Variants in COG4 observed in about 807,000 individuals in gnomAD.
COG4 encodes the protein component of oligomeric golgi complex 4.
COG4 carries 65 observed loss-of-function variants against 95.1 expected under a neutral mutation model. The ratio of observed to expected loss-of-function variants is 0.68; its 90% CI spans 0.56 to 0.84. The LOEUF (loss-of-function observed/expected upper bound fraction) is 0.84, where lower values mean the gene tolerates loss of function less well. Among genes scored for constraint, COG4 ranks in the 40% least tolerant of loss-of-function variants. COG4 has a pLI of 0.00. For missense variants in COG4, 1,045 were observed against 989.1 expected, an observed-to-expected ratio of 1.06 and a Z score of -0.76; for synonymous variants, 421 against 374.8, an observed-to-expected ratio of 1.12 and a Z score of -1.42.
intron 11 of COG4, among the ~76,000 whole-genome samples, 197 bp downstream of exon 11, chr16:70,497,024 G>C (rs908038425): frequency 1.3e-5 from 2 of 152,112 alleles, no homozygotes; most frequent in Non-Finnish European, 2.9e-5. Flanking sequence ...CTAGTCCAGG[G>C]AACAGAAATT....
chr16:70,494,456 T>C (rs942893594), intron 12 of COG4, among the ~76,000 whole-genome samples: 1 of 152,228 alleles, frequency 6.6e-6, no homozygotes, highest in Non-Finnish European at 1.5e-5. Flanking sequence ...TTTTAAATAC[T>C]TGGTGTCAGG....
At position 70,480,751 on chromosome 16, in the gene COG4, C is replaced by G; in HGVS notation, c.*259G>C. On this transcript the variant is annotated 3_prime_UTR_variant, in exon 19 of 19. Transcript: ENST00000323786. The stretch of plus-strand genomic sequence containing the variant: ...ATGCAGAAAGCTGGCCTGGGCTGCT[C>G]GCTGCCTGCCGTGGCTTTCCCACCT... 3.8e-6 allele frequency: 2 copies of G among 523,116 alleles called. No individual in the cohort carries two copies. The highest frequency in any genetic ancestry group is 3.4e-5 in the East Asian group (1 of 29,236). 32.4% of individuals were successfully genotyped at this position (523,116 alleles called of 1,614,324 possible).
chr16:70,510,028 A>G lies in COG4; in HGVS notation c.739-7T>C. 6.2e-7 allele frequency: 1 copy of G among 1,611,942 alleles called. No homozygotes were observed. The highest frequency in any genetic ancestry group is 8.5e-7 in the Non-Finnish European group (1 of 1,178,058). On this transcript the variant is annotated splice_polypyrimidine_tract_variant and splice_region_variant and intron_variant, in intron 5 of 18. Transcript: ENST00000323786. Reference sequence around the variant, plus strand: ...CCTCAGCTTTACTGGCCACCTAAAAAAGGAGAAAACCCACACACATTCCTC... The same window carrying G: ...CCTCAGCTTTACTGGCCACCTAAAAGAGGAGAAAACCCACACACATTCCTC...
At chr16:70,518,870 G>A (rs373969985) in intron 2 of COG4, among the ~76,000 whole-genome samples, 2 of 151,750 alleles carry the variant, frequency 1.3e-5, no homozygotes, top group Non-Finnish European at 2.9e-5. Flanking sequence ...CCAGCTACTC[G>A]AGAGGCTGAG....
intron 6 of COG4, 37 bp downstream of exon 6, chr16:70,509,879 A>G: frequency 6.8e-7 from 1 of 1,467,528 alleles, no homozygotes; most frequent in Non-Finnish European, 9.6e-7. Context: ...TGTCATATAC[A>G]GTCTCCAGTC....
At chr16:70,492,941 C>A (rs1333567898) in intron 12 of COG4, among the ~76,000 whole-genome samples, 1 of 151,848 alleles carries the variant, frequency 6.6e-6, no homozygotes, top group Non-Finnish European at 1.5e-5. Flanking sequence ...CCAGCTGGGG[C>A]AACAAGAACG....
intron 13 of COG4, among the ~76,000 whole-genome samples, chr16:70,489,477 A>G (rs1001167430): frequency 1.3e-5 from 2 of 151,392 alleles, no homozygotes; most frequent in African/African-American, 4.9e-5. Context: ...TCAGCCTCCC[A>G]AAGTGTTAGG....
At chr16:70,508,818 C>T (rs8053883) in intron 7 of COG4, 16,627 of 547,638 alleles carry the variant, frequency 0.03, 2,173 homozygotes, top group African/African-American at 0.28. Context: ...AAGGAAAAAA[C>T]AAAGTTCTGA....
In COG4 at chr16:70,523,358, G is replaced by A. The variant is rs1368778587; in HGVS notation, c.171+15C>T. ...CCTAGATCCTCCATGAAAAAGAAGA[G>A]GCTCGACCCCGCACCTCCTCGCCGC... is the stretch of plus-strand genomic sequence containing the variant. On this transcript the variant is annotated intron_variant, in intron 1 of 18. Coordinates refer to ENST00000323786, the MANE Select transcript of COG4 (RefSeq NM_015386.3). The A allele has an allele frequency of 4.3e-6, 7 of 1,613,952 alleles. No homozygotes were observed. The South Asian group carries it at 6.6e-5, about 15-fold the overall frequency.
rs768952050 is a variant in COG4 at position 70,512,344 on chromosome 16, G to T, written c.633C>A (p.Thr211=). 9 of 1,613,962 alleles carry T rather than the reference G, an allele frequency of 5.6e-6. No homozygotes were observed. In the African/African-American group the frequency reaches 1.1e-4, roughly 19 times the overall value. ...CCACCTGGGGCAGATCACCTTCCTT[G>T]GTGGCAATGGCAAACTTCTCTGCCA... The part of the protein sequence containing the change: ...AIVAEKFAIA[T]KEGDLPQVER... Residue 211 remains threonine, a synonymous_variant, in exon 5 of 19, where the codon ACC becomes ACA. Coordinates refer to ENST00000323786, the MANE Select transcript of COG4 (RefSeq NM_015386.3).
chr16:70,504,183 C>T (rs1280697460), intron 8 of COG4, among the ~76,000 whole-genome samples: 1 of 152,106 alleles, frequency 6.6e-6, no homozygotes, highest in Non-Finnish European at 1.5e-5. Context: ...CTACTGAGGG[C>T]GATTTTATTC....
At chr16:70,510,051 C>T in intron 5 of COG4, 30 bp from the exon 6 acceptor site, 2 of 1,570,962 alleles carry the variant, frequency 1.3e-6, no homozygotes, top group Middle Eastern at 1.7e-4. Flanking sequence ...ACACACATTC[C>T]TCAGAAAGGT....
chr16:70,482,195 C>A lies in COG4; in HGVS notation c.1921-20G>T, dbSNP rs2049012908. ...TTCTTCCTGTTGTCAGGAAGCAGGG[C>A]TGGTCACCATGGGCCTCATAAGAAG... On this transcript the variant is annotated intron_variant, in intron 15 of 18. Transcript: ENST00000323786. 6.5e-7 allele frequency: 1 copy of A among 1,549,276 alleles called. No individual in the cohort carries two copies. The highest frequency in any genetic ancestry group is 1.7e-5 in the Admixed American group (1 of 59,912).
Position 70,496,402 on chromosome 16 carries a change from C to A in COG4, c.1511G>T (p.Gly504Val), listed in dbSNP as rs767223671. 6.2e-7 allele frequency: 1 copy of A among 1,614,166 alleles called. No homozygotes were observed. The highest frequency in any genetic ancestry group is 1.1e-5 in the South Asian group (1 of 91,084). ...GTCCTGGAAGGTGGTGGCAGGAAAGCCCATCCGCAGCTTATTACACAGAAC... is the reference window on the plus strand; with the variant it reads ...GTCCTGGAAGGTGGTGGCAGGAAAGACCATCCGCAGCTTATTACACAGAAC... ...RDVLCNKLRM[G>V]FPATTFQDIQ... Residue 504 changes from glycine (G) to valine (V), a missense_variant, in exon 12 of 19, where the codon GGC (glycine) becomes GTC (valine). Coordinates refer to ENST00000323786, the MANE Select transcript of COG4 (RefSeq NM_015386.3).
At chr16:70,484,550 T>C (rs2049088216) in intron 13 of COG4, among the ~76,000 whole-genome samples, 1 of 152,264 alleles carries the variant, frequency 6.6e-6, no homozygotes, top group African/African-American at 2.4e-5. Context: ...GTCAAGATCA[T>C]AGCTAAGGTT....
At chr16:70,505,296 C>T (rs1337238432) in intron 8 of COG4, among the ~76,000 whole-genome samples, 1 of 147,886 alleles carries the variant, frequency 6.8e-6, no homozygotes, top group African/African-American at 2.5e-5. Flanking sequence ...CTCCCGGGTT[C>T]ACGCCATTCT....
rs532282474 is a variant in COG4, at chr16:70,499,246, T to G, written c.1196-1191A>C. 3.0e-3 allele frequency among the ~76,000 whole-genome samples: 450 copies of G among 152,320 alleles called. 2 individuals carry two copies. Among genetic ancestry groups the G allele is most frequent in the Non-Finnish European group, 4.3e-3 (292 of 68,014 alleles). ...AGATGAATTTAAAATTTTATTTAATTGTAATTAAATTTGAATTTGAATTTG... is the reference window on the plus strand; with the variant it reads ...AGATGAATTTAAAATTTTATTTAATGGTAATTAAATTTGAATTTGAATTTG... On this transcript the variant is annotated intron_variant, in intron 9 of 18. Transcript: ENST00000323786.
intron 12 of COG4, among the ~76,000 whole-genome samples, chr16:70,493,812 C>G (rs1370047277): frequency 6.6e-6 from 1 of 152,050 alleles, no homozygotes; most frequent in Non-Finnish European, 1.5e-5. Context: ...GAATACTCAT[C>G]TAGAGGCCGT....
chr16:70,506,610 A>C (rs2049575900), intron 8 of COG4, among the ~76,000 whole-genome samples: 2 of 58,944 alleles, frequency 3.4e-5, no homozygotes, highest in Non-Finnish European at 6.4e-5. Context: ...AAAAAAAAAA[A>C]AAAAAAACAA....
Sources: allele counts gnomAD v4.1 joint callset (sites outside exome capture counted in the v4.1 genomes callset), GRCh38; gene constraint gnomAD v4.1.1; transcripts MANE v1.5; gene names NCBI Gene and HGNC (gene_info 2026-07-23, HGNC 2026-07-21).